Variants in LRRN1 observed in about 807,000 individuals in gnomAD.
LRRN1 encodes the protein leucine-rich repeat neuronal protein 1.
Under a neutral mutation model 45.8 loss-of-function variants are expected in LRRN1, and 14 were observed. The observed-to-expected ratio is 0.31, with a 90% CI of 0.20 to 0.48. The LOEUF (loss-of-function observed/expected upper bound fraction) is 0.48, where lower values mean the gene tolerates loss of function less well. Ranked by LOEUF, LRRN1 falls within the 20% of genes least tolerant of loss-of-function variation. LRRN1 has a pLI of 0.99. For synonymous variants in LRRN1, 359 were observed against 330.1 expected (o/e 1.09, Z -0.95); for missense variants, 789 against 874.2 (o/e 0.90, Z 1.23).
At chr3:3,834,929 C>G (rs892287424) in intron 1 of LRRN1, among the ~76,000 whole-genome samples, 64 of 152,264 alleles carry the variant, frequency 4.2e-4, no homozygotes, top group African/African-American at 1.3e-3. Flanking sequence ...GCAACACCCT[C>G]ACAGACACAA....
At chr3:3,825,740 G>C (rs1429261220) in intron 1 of LRRN1, among the ~76,000 whole-genome samples, 2 of 152,200 alleles carry the variant, frequency 1.3e-5, no homozygotes, top group Non-Finnish European at 2.9e-5. Flanking sequence ...AAAGAAAGGA[G>C]TGTAAAATGA....
At chr3:3,826,794 T>C (rs1361622963) in intron 1 of LRRN1, among the ~76,000 whole-genome samples, 1 of 152,108 alleles carries the variant, frequency 6.6e-6, no homozygotes, top group Non-Finnish European at 1.5e-5. Flanking sequence ...AAGAAACTAA[T>C]GTTTTTAAAA....
At chr3:3,823,830 G>T (rs367576843) in intron 1 of LRRN1, among the ~76,000 whole-genome samples, 2 of 151,986 alleles carry the variant, frequency 1.3e-5, no homozygotes, top group Non-Finnish European at 1.5e-5. Context: ...CAAGTGTTTT[G>T]CTCCCAATCA....
chr3:3,829,859 G>A (rs756613417), intron 1 of LRRN1, among the ~76,000 whole-genome samples: 1 of 152,230 alleles, frequency 6.6e-6, no homozygotes, highest in Non-Finnish European at 1.5e-5. Context: ...GTCTATTCCA[G>A]TGAGGACAAA....
chr3:3,822,284 A>G lies in LRRN1; in HGVS notation c.-278-22080A>G, dbSNP rs181034815. Among the ~76,000 whole-genome samples, 17 of 152,324 alleles carry G rather than the reference A, an allele frequency of 1.1e-4. No individual in the cohort carries two copies. In the East Asian group the frequency reaches 2.3e-3, roughly 21 times the overall value. Reference sequence around the variant, plus strand: ...ATAAGAACTAACTGCTGTTACTCTTACAACTACTACTCAGCCAAAACTACC... The same window carrying G: ...ATAAGAACTAACTGCTGTTACTCTTGCAACTACTACTCAGCCAAAACTACC... On this transcript the variant is annotated intron_variant, in intron 1 of 1. Transcript: ENST00000319331.
In LRRN1 at chr3:3,846,004, C is replaced by G; in HGVS notation, c.1363C>G (p.Pro455Ala). The G allele has an allele frequency of 6.2e-7, 1 of 1,613,844 alleles. No individual in the cohort carries two copies. Among genetic ancestry groups the G allele is most frequent in the Non-Finnish European group, 8.5e-7 (1 of 1,179,812 alleles). Residue 455 changes from proline (P) to alanine (A), a missense_variant, in exon 2 of 2, where the codon CCT becomes GCT. Physicochemically the swap from Pro to Ala is conservative, Grantham distance 27. Transcript: ENST00000319331. The surrounding 1 kb of genome is among the most constrained non-coding windows in gnomAD (Gnocchi z 5.7). ...CTGTCGAGCCATGGCTGAGCCAGAA[C>G]CTGAAATTTACTGGGTCACTCCCAT... ...LDCRAMAEPE[P>A]EIYWVTPIGN...
chr3:3,815,212 G>A (rs1302361474), intron 1 of LRRN1, among the ~76,000 whole-genome samples: 1 of 152,112 alleles, frequency 6.6e-6, no homozygotes, highest in Non-Finnish European at 1.5e-5. Flanking sequence ...TTACACCAGT[G>A]TAAATGTTTA....
At position 3,848,636 on chromosome 3, in the gene LRRN1, T is replaced by A. The variant is rs1693827387; in HGVS notation, c.*1844T>A. ...ACAGAATTTCAGATCTTGAAACAAA[T>A]GAGCTGCAACAGAAAAATAAGTACC... On this transcript the variant is annotated 3_prime_UTR_variant, in exon 2 of 2. Coordinates refer to ENST00000319331, the MANE Select transcript of LRRN1 (RefSeq NM_020873.7). 6.6e-6 allele frequency among the ~76,000 whole-genome samples: 1 copy of A among 152,178 alleles called. No homozygotes were observed. The highest frequency in any genetic ancestry group is 1.5e-5 in the Non-Finnish European group (1 of 68,024).
intron 1 of LRRN1, among the ~76,000 whole-genome samples, chr3:3,823,061 A>G (rs1693137735): frequency 6.6e-6 from 1 of 152,190 alleles, no homozygotes; most frequent in African/African-American, 2.4e-5. Flanking sequence ...TTCAGTGAAC[A>G]GATGAACTGT....
chr3:3,846,708 A>G lies in LRRN1; in HGVS notation c.2067A>G (p.Glu689=), dbSNP rs142141109. 6.2e-7 allele frequency: 1 copy of G among 1,613,948 alleles called. No individual in the cohort carries two copies. ...ACCCACCACTCATTAACCTCTGGGA[A>G]GGTGACAGCGAGAAAGACAAAGATG... ...ELYPPLINLW[E]GDSEKDKDGS... The change falls in exon 2 of 2, where the codon GAA becomes GAG. Residue 689 remains glutamate (E), a synonymous_variant. Coordinates refer to ENST00000319331, the MANE Select transcript of LRRN1 (RefSeq NM_020873.7). This position sits in a 1 kb window ranked among gnomAD's most constrained non-coding sequence, Gnocchi z 5.7.
intron 1 of LRRN1, among the ~76,000 whole-genome samples, chr3:3,822,216 T>C (rs1017991189): frequency 2.0e-5 from 3 of 152,210 alleles, no homozygotes; most frequent in Non-Finnish European, 2.9e-5. Context: ...AAATAATTTA[T>C]GTAAATGATT....
At chr3:3,820,219 CAT>C (rs1693074971) in intron 1 of LRRN1, among the ~76,000 whole-genome samples, 2 of 152,210 alleles carry the variant, frequency 1.3e-5, no homozygotes, top group South Asian at 2.1e-4. Context: ...CTAGAAATGA[CAT>C]ATATTTTTAA....
At position 3,845,362 on chromosome 3, in the gene LRRN1, CTTGAGAGCCTG is replaced by C; in HGVS notation, c.723_733del (p.Glu242PhefsTer3). On this transcript the variant is annotated frameshift_variant, in exon 2 of 2. Transcript: ENST00000319331. LOFTEE classifies it high-confidence loss of function. This position sits in a 1 kb window ranked among gnomAD's most constrained non-coding sequence, Gnocchi z 6.5. ...AAATGCTTTGGTGGGTCTGGATAGCCTTGAGAGCCTGTCTTTTTATGATAACAAACTGGTTA... is the reference window on the plus strand; with the variant it reads ...AAATGCTTTGGTGGGTCTGGATAGCCTCTTTTTATGATAACAAACTGGTTA... The C allele has an allele frequency of 1.2e-6, 2 of 1,614,084 alleles. No homozygotes were observed. Among genetic ancestry groups the C allele is most frequent in the Non-Finnish European group, 1.7e-6 (2 of 1,179,990 alleles).
intron 1 of LRRN1, among the ~76,000 whole-genome samples, chr3:3,811,209 C>T (rs1471451040): frequency 1.3e-5 from 2 of 152,204 alleles, no homozygotes; most frequent in Non-Finnish European, 2.9e-5. Flanking sequence ...CAGTATCGTA[C>T]AGCTAGTAAG....
At position 3,846,510 on chromosome 3, in the gene LRRN1, C is replaced by T. The variant is rs1475441242; in HGVS notation, c.1869C>T (p.Ile623=). ...TTKNAAFAVD[I]SDQETSTALA... is the part of the protein sequence containing the mutation. Reference sequence around the variant, plus strand: ...AAAATGCCGCCTTCGCAGTGGACATCTCTGATCAAGAAACCAGTACAGCCC... The same window carrying T: ...AAAATGCCGCCTTCGCAGTGGACATTTCTGATCAAGAAACCAGTACAGCCC... Residue 623 remains isoleucine, a synonymous_variant, in exon 2 of 2, where the codon ATC becomes ATT. Transcript: ENST00000319331. The surrounding 1 kb of genome is among the most constrained non-coding windows in gnomAD (Gnocchi z 5.7). 8 of 1,614,198 alleles carry T rather than the reference C, an allele frequency of 5.0e-6. No homozygotes were observed. Among genetic ancestry groups the T allele is most frequent in the East Asian group, 2.2e-5 (1 of 44,884 alleles).
At chr3:3,808,578 G>T (rs1279856276) in intron 1 of LRRN1, among the ~76,000 whole-genome samples, 1 of 152,176 alleles carries the variant, frequency 6.6e-6, no homozygotes, top group African/African-American at 2.4e-5. Flanking sequence ...TCTGTGACTT[G>T]TGAATGATAG....
chr3:3,819,927 C>G (rs1451016403), intron 1 of LRRN1, among the ~76,000 whole-genome samples: 1 of 152,178 alleles, frequency 6.6e-6, no homozygotes, highest in Non-Finnish European at 1.5e-5. Context: ...AAGGAAGACA[C>G]AGAGACTAGA....
At chr3:3,801,508 T>C (rs1279182173) in intron 1 of LRRN1, among the ~76,000 whole-genome samples, 1 of 152,150 alleles carries the variant, frequency 6.6e-6, no homozygotes, top group Non-Finnish European at 1.5e-5. Context: ...TGTTATTGGC[T>C]CCAGGGCCAT....
chr3:3,810,219 T>C (rs777992109), intron 1 of LRRN1, among the ~76,000 whole-genome samples: 1 of 152,196 alleles, frequency 6.6e-6, no homozygotes, highest in Admixed American at 6.5e-5. Context: ...GGAATCACAT[T>C]TTCTAAATAA....
Sources: allele counts gnomAD v4.1 joint callset (sites outside exome capture counted in the v4.1 genomes callset), GRCh38; gene constraint gnomAD v4.1.1; non-coding constraint Gnocchi (gnomAD v3.1); transcripts MANE v1.5; gene names NCBI Gene and HGNC (gene_info 2026-07-23, HGNC 2026-07-21).